Variants in CLTCL1 observed in about 807,000 individuals in gnomAD.
The protein encoded by CLTCL1 is clathrin heavy chain 2.
Under a neutral mutation model 190.0 loss-of-function variants are expected in CLTCL1, and 159 were observed. That is an observed-to-expected ratio of 0.84 (90% confidence interval 0.74 to 0.95). CLTCL1 has a LOEUF of 0.95. CLTCL1 is among the 40% of genes least tolerant of loss of function. CLTCL1 has a pLI of 0.00. For missense variants in CLTCL1, 1,878 were observed against 2,033.4 expected (o/e 0.92, Z 1.47); for synonymous variants, 752 against 769.6 (o/e 0.98, Z 0.38).
At chr22:19,203,962 C>G (rs2084975602) in intron 22 of CLTCL1, among the ~76,000 whole-genome samples, 1 of 152,256 alleles carries the variant, frequency 6.6e-6, no homozygotes, top group African/African-American at 2.4e-5. Flanking sequence ...CCTGCCGGCT[C>G]TGCCTTCAAC....
intron 4 of CLTCL1, among the ~76,000 whole-genome samples, chr22:19,240,042 G>A (rs966409344): frequency 6.6e-6 from 1 of 151,128 alleles, no homozygotes; most frequent in African/African-American, 2.4e-5. Flanking sequence ...TCTGCCTCCC[G>A]GGTTCAAGCG....
intron 18 of CLTCL1, among the ~76,000 whole-genome samples, chr22:19,218,395 A>T (rs1413644167): frequency 6.6e-6 from 1 of 152,280 alleles, no homozygotes; most frequent in East Asian, 1.9e-4. Flanking sequence ...AGAGATTCAA[A>T]ACAACATGAC....
At chr22:19,266,284 C>A (rs554886615) in intron 2 of CLTCL1, among the ~76,000 whole-genome samples, 1 of 152,136 alleles carries the variant, frequency 6.6e-6, no homozygotes, top group East Asian at 1.9e-4. Context: ...TTAAAAGAAG[C>A]GAATATTATG....
At chr22:19,244,148 C>T (rs782522580) in intron 3 of CLTCL1, among the ~76,000 whole-genome samples, 11 of 152,152 alleles carry the variant, frequency 7.2e-5, no homozygotes, top group Non-Finnish European at 1.5e-4. Context: ...CACATATAGT[C>T]GTGGGTAAAA....
At chr22:19,196,730 C>A in intron 24 of CLTCL1, 74 bp from the exon 25 acceptor site, 1 of 1,510,850 alleles carries the variant, frequency 6.6e-7, no homozygotes, top group South Asian at 1.2e-5. Flanking sequence ...CCCATGCCCA[C>A]GCCGCAGGGA....
At chr22:19,207,914 T>C in intron 22 of CLTCL1, 2 of 668,692 alleles carry the variant, frequency 3.0e-6, no homozygotes, top group Admixed American at 4.2e-5. Flanking sequence ...TGAGTCTACA[T>C]TATGGTGAGT....
intron 28 of CLTCL1, 95 bp downstream of exon 28, chr22:19,187,886 C>G (rs528638076): frequency 7.2e-7 from 1 of 1,387,876 alleles, no homozygotes; most frequent in Non-Finnish European, 1.0e-6. Context: ...CCTGCACACC[C>G]TCCTGTGCAA....
chr22:19,201,859 G>A (rs1239431735), intron 22 of CLTCL1, among the ~76,000 whole-genome samples: 1 of 152,088 alleles, frequency 6.6e-6, no homozygotes, highest in Non-Finnish European at 1.5e-5. Flanking sequence ...CCAATCTTGT[G>A]TCAGGTATCA....
chr22:19,241,851 C>A (rs1470312293), intron 4 of CLTCL1, among the ~76,000 whole-genome samples: 1 of 152,184 alleles, frequency 6.6e-6, no homozygotes, highest in Non-Finnish European at 1.5e-5. Flanking sequence ...CTCCCAACCA[C>A]CTGGGAAGAA....
intron 22 of CLTCL1, among the ~76,000 whole-genome samples, chr22:19,202,097 C>A (rs1162377679): frequency 6.6e-6 from 1 of 152,040 alleles, no homozygotes; most frequent in Non-Finnish European, 1.5e-5. Context: ...CTCCACCAGT[C>A]CAGTGACTGG....
At chr22:19,204,188 CAGAAGCCAG>C (rs2084981656) in intron 22 of CLTCL1, among the ~76,000 whole-genome samples, 1 of 152,152 alleles carries the variant, frequency 6.6e-6, no homozygotes. Context: ...TCGCCCAGAG[CAGAAGCCAG>C]AGAAGCCAGA....
chr22:19,234,832 T>C, intron 6 of CLTCL1, 126 bp from the exon 7 acceptor site: 2 of 845,206 alleles, frequency 2.4e-6, no homozygotes, highest in Non-Finnish European at 3.8e-6. Flanking sequence ...ACACCTGTGA[T>C]GGTGGCCCTC....
At chr22:19,202,746 C>T (rs2084937879) in intron 22 of CLTCL1, among the ~76,000 whole-genome samples, 2 of 152,160 alleles carry the variant, frequency 1.3e-5, no homozygotes, top group African/African-American at 4.8e-5. Context: ...TCTTTCATAT[C>T]TCCTTCTCTT....
chr22:19,233,644 G>C (rs575324261), intron 7 of CLTCL1, 22 bp from the exon 8 acceptor site: 2 of 1,607,022 alleles, frequency 1.2e-6, no homozygotes, highest in Admixed American at 3.3e-5. Flanking sequence ...TGGAAAAATA[G>C]GTCATTGTGT....
intron 1 of CLTCL1, among the ~76,000 whole-genome samples, chr22:19,280,057 A>C (rs1858771): frequency 0.03 from 4,634 of 152,324 alleles, 109 homozygotes; most frequent in Admixed American, 0.066. Context: ...TTATCGGCTA[A>C]GGTTATGCTT....
At chr22:19,269,951 A>T (rs1340967546) in intron 2 of CLTCL1, among the ~76,000 whole-genome samples, 5 of 152,112 alleles carry the variant, frequency 3.3e-5, no homozygotes, top group African/African-American at 1.2e-4. Context: ...TAAAATTAAA[A>T]AAAAAAAAAA....
rs782068636 is a variant in CLTCL1, at chr22:19,208,919, T to TA, written c.3442+2dup. On this transcript the variant is annotated splice_region_variant and intron_variant, in intron 21 of 32. Transcript: ENST00000427926. ...GAGCCCTAGGGAGAGGGGACTCACT[T>TA]ACTGCTCCTGCTGGCTGACTGAACA... 50 of 1,601,750 alleles carry TA rather than the reference T, an allele frequency of 3.1e-5. No homozygotes were observed. The East Asian group carries it at 1.0e-3, about 33-fold the overall frequency.
chr22:19,202,512 C>T (rs115795223), intron 22 of CLTCL1, among the ~76,000 whole-genome samples: 533 of 12,720 alleles, frequency 0.042, 68 homozygotes, highest in East Asian at 0.26. Flanking sequence ...CCTCCTTCCG[C>T]CATCACGGCA....
chr22:19,242,702 C>CCA, intron 4 of CLTCL1, 73 bp downstream of exon 4: 2 of 1,536,548 alleles, frequency 1.3e-6, no homozygotes, highest in Non-Finnish European at 1.8e-6. Context: ...CCATGCCCAG[C>CCA]CACACACACG....
Sources: allele counts gnomAD v4.1 joint callset (sites outside exome capture counted in the v4.1 genomes callset), GRCh38; gene constraint gnomAD v4.1.1; transcripts MANE v1.5; gene names NCBI Gene and HGNC (gene_info 2026-07-23, HGNC 2026-07-21).